Variants in DPYD observed in about 807,000 individuals in gnomAD.
The protein encoded by DPYD is dihydropyrimidine dehydrogenase.
In DPYD, 109 loss-of-function variants were observed where a neutral mutation model predicts 116.2. That is an observed-to-expected ratio of 0.94 (90% CI 0.80 to 1.10). The LOEUF is 1.10. DPYD is among the 50% of genes least tolerant of loss of function. The pLI, the probability that DPYD is intolerant of heterozygous loss-of-function variation, is 0.00. For missense variants in DPYD, 1,302 were observed against 1,254.5 expected, an observed-to-expected ratio of 1.04 and a Z score of -0.57; for synonymous variants, 440 against 432.0, an observed-to-expected ratio of 1.02 and a Z score of -0.23.
chr1:97,807,052 G>A (rs1345755762), intron 3 of DPYD, among the ~76,000 whole-genome samples: 1 of 151,680 alleles, frequency 6.6e-6, no homozygotes, highest in Non-Finnish European at 1.5e-5. Flanking sequence ...ATTTATTTAG[G>A]CTTTCATCTT....
At position 97,479,551 on chromosome 1, in the gene DPYD, A is replaced by G. The variant is rs149207907; in HGVS notation, c.1741-29328T>C. Among the ~76,000 whole-genome samples the G allele has an allele frequency of 2.0e-5, 3 of 152,358 alleles. No homozygotes were observed. The East Asian group carries it at 5.8e-4, about 29-fold the overall frequency. On this transcript the variant is annotated intron_variant, in intron 13 of 22. Coordinates refer to ENST00000370192, the MANE Select transcript of DPYD (RefSeq NM_000110.4). ...GGTGTAACAGATGACCCTAACAGAC[A>G]TAATAGTACTAAAAAAGTTTGAAAC...
intron 20 of DPYD, among the ~76,000 whole-genome samples, chr1:97,179,998 G>T (rs1229295883): frequency 6.6e-6 from 1 of 152,030 alleles, no homozygotes; most frequent in Non-Finnish European, 1.5e-5. Flanking sequence ...AATTATTCAG[G>T]GCAACTGAAG....
chr1:97,195,634 GTATATATATATATATA>G (rs71071637), intron 19 of DPYD, among the ~76,000 whole-genome samples: 598 of 57,626 alleles, frequency 0.01, 18 homozygotes, highest in East Asian at 0.036. Context: ...ATATGTATGT[GTATATATATATATATA>G]TATATATATA....
chr1:97,103,968 C>T (rs1650943681), intron 20 of DPYD, among the ~76,000 whole-genome samples: 1 of 152,058 alleles, frequency 6.6e-6, no homozygotes, highest in Non-Finnish European at 1.5e-5. Context: ...TCTTTTTCAC[C>T]TGGTACATGC....
intron 16 of DPYD, among the ~76,000 whole-genome samples, chr1:97,325,546 C>A (rs948519321): frequency 6.6e-6 from 1 of 151,910 alleles, no homozygotes; most frequent in Admixed American, 6.6e-5. Flanking sequence ...ATGGTTTAGG[C>A]CATTCTGGGT....
intron 14 of DPYD, among the ~76,000 whole-genome samples, chr1:97,406,486 G>A (rs1199887807): frequency 6.6e-6 from 1 of 151,628 alleles, no homozygotes; most frequent in Admixed American, 6.6e-5. Context: ...ACATGCCATG[G>A]TGGTTTACTG....
At chr1:97,691,593 C>T (rs1029862371) in intron 7 of DPYD, 124 bp downstream of exon 7, 2 of 832,898 alleles carry the variant, frequency 2.4e-6, no homozygotes, top group Non-Finnish European at 3.9e-6. Flanking sequence ...CATCTTTCTG[C>T]TTCTGCCTGA....
At chr1:97,491,975 C>A (rs1045454331) in intron 13 of DPYD, among the ~76,000 whole-genome samples, 12 of 152,110 alleles carry the variant, frequency 7.9e-5, no homozygotes, top group African/African-American at 2.9e-4. Context: ...TATTCTGCGG[C>A]AGGTTTCCCT....
intron 4 of DPYD, among the ~76,000 whole-genome samples, chr1:97,736,850 T>TG (rs1663975706): frequency 1.4e-5 from 2 of 142,106 alleles, no homozygotes; most frequent in African/African-American, 2.6e-5. Context: ...GTGTGTGCAT[T>TG]TGTGTGTGTG....
chr1:97,615,197 T>A (rs184825759), intron 8 of DPYD, among the ~76,000 whole-genome samples: 2 of 152,240 alleles, frequency 1.3e-5, no homozygotes, highest in Non-Finnish European at 2.9e-5. Flanking sequence ...TTACTGAACA[T>A]CTTCCACTGG....
chr1:97,820,319 T>G (rs1012274386), intron 3 of DPYD, among the ~76,000 whole-genome samples: 2 of 152,130 alleles, frequency 1.3e-5, no homozygotes, highest in Admixed American at 6.6e-5. Context: ...CCTGAAAAGC[T>G]GAAAAACTAC....
At chr1:97,527,074 CTT>C (rs538034659) in intron 12 of DPYD, among the ~76,000 whole-genome samples, 1 of 144,772 alleles carries the variant, frequency 6.9e-6, no homozygotes, top group Non-Finnish European at 1.5e-5. Context: ...TGCCCCCAAC[CTT>C]TTTTTTTTTT....
intron 3 of DPYD, among the ~76,000 whole-genome samples, chr1:97,786,687 G>A (rs1006972215): frequency 2.6e-5 from 4 of 152,154 alleles, no homozygotes; most frequent in African/African-American, 9.7e-5. Flanking sequence ...CTATTTTTAG[G>A]CTGAAGAGTG....
At chr1:97,576,387 A>G (rs1371371986) in intron 10 of DPYD, among the ~76,000 whole-genome samples, 1 of 152,204 alleles carries the variant, frequency 6.6e-6, no homozygotes, top group Non-Finnish European at 1.5e-5. Flanking sequence ...CCTATTGGGA[A>G]TATGTCTTAC....
At chr1:97,300,396 TG>T (rs1374304068) in intron 18 of DPYD, among the ~76,000 whole-genome samples, 1 of 152,154 alleles carries the variant, frequency 6.6e-6, no homozygotes, top group Non-Finnish European at 1.5e-5. Flanking sequence ...ATAATAGGCA[TG>T]TTTTTCTAAA....
rs141524547 is a variant in DPYD, at chr1:97,531,271, T to C, written c.1525-15330A>G. On this transcript the variant is annotated intron_variant, in intron 12 of 22. Transcript: ENST00000370192. ...GCAGGTCTTACATTTTAGTCTTTAATTAATTGTGAGTTAATTTTTGTCTGT... is the reference window on the plus strand; with the variant it reads ...GCAGGTCTTACATTTTAGTCTTTAACTAATTGTGAGTTAATTTTTGTCTGT... Among the ~76,000 whole-genome samples the C allele has an allele frequency of 2.6e-3, 401 of 152,340 alleles. 4 individuals are homozygous for C. The highest frequency in any genetic ancestry group is 9.1e-3 in the African/African-American group (380 of 41,588).
chr1:97,871,784 C>T (rs1405331579), intron 2 of DPYD, among the ~76,000 whole-genome samples: 5 of 151,788 alleles, frequency 3.3e-5, no homozygotes, highest in Non-Finnish European at 7.4e-5. Context: ...CTCAGTACTT[C>T]TCCATGGTTT....
chr1:97,525,748 C>G (rs1649002682), intron 12 of DPYD, among the ~76,000 whole-genome samples: 1 of 95,418 alleles, frequency 1.0e-5, no homozygotes, highest in Non-Finnish European at 2.2e-5. Context: ...AAGTAATTGC[C>G]CTGGGTAATT....
chr1:97,920,858 C>T, intron 1 of DPYD, 26 bp downstream of exon 1: 3 of 1,583,334 alleles, frequency 1.9e-6, no homozygotes, highest in Non-Finnish European at 2.6e-6. Flanking sequence ...CCCGCCACCA[C>T]CGACGAGCCG....
Sources: allele counts gnomAD v4.1 joint callset (sites outside exome capture counted in the v4.1 genomes callset), GRCh38; gene constraint gnomAD v4.1.1; transcripts MANE v1.5; gene names NCBI Gene and HGNC (gene_info 2026-07-23, HGNC 2026-07-21).